ZKSCAN2: variants seen among roughly 807,000 people sequenced by gnomAD.
The protein encoded by ZKSCAN2 is zinc finger with KRAB and SCAN domains 2, also known as zinc finger protein with KRAB and SCAN domains 2.
Under a neutral mutation model 90.5 loss-of-function variants are expected in ZKSCAN2, and 38 were observed. That is an observed-to-expected ratio of 0.42 (90% CI 0.32 to 0.55). The LOEUF is 0.55. Ranked by LOEUF, ZKSCAN2 falls within the 20% of genes least tolerant of loss-of-function variation. The pLI is 0.11. For synonymous variants in ZKSCAN2, 429 were observed against 421.6 expected (o/e 1.02, Z -0.22); for missense variants, 1,167 against 1,202.6 (o/e 0.97, Z 0.44).
Position 25,240,724 on chromosome 16 carries a change from T to C in ZKSCAN2, c.1996A>G (p.Ser666Gly), listed in dbSNP as rs1752842052. 1.2e-6 allele frequency: 2 copies of C among 1,600,876 alleles called. No individual in the cohort carries two copies. Among genetic ancestry groups the C allele is most frequent in the South Asian group, 2.2e-5 (2 of 89,868 alleles). The change falls in exon 7 of 7, where the codon AGT becomes GGT. Residue 666 changes from serine to glycine, a missense_variant. Ser to Gly is a moderately conservative substitution (Grantham distance 56). Coordinates refer to ENST00000328086, the MANE Select transcript of ZKSCAN2 (RefSeq NM_001012981.5). ...LQSPNDFEIGSSIKEDPTQIV... is the reference protein window; with the variant it reads ...LQSPNDFEIGGSIKEDPTQIV... ...TGTGTTGGATCCTCCTTGATGCTACTTCCGATTTCAAAATCTGAAAAAATG... is the reference window on the plus strand; with the variant it reads ...TGTGTTGGATCCTCCTTGATGCTACCTCCGATTTCAAAATCTGAAAAAATG...
At chr16:25,243,200 C>G (rs943472607) in intron 6 of ZKSCAN2, among the ~76,000 whole-genome samples, 2 of 152,170 alleles carry the variant, frequency 1.3e-5, no homozygotes, top group Non-Finnish European at 2.9e-5. Flanking sequence ...CCAAGTTTTT[C>G]TTCCCCACGG....
chr16:25,246,596 G>A, intron 5 of ZKSCAN2, 111 bp downstream of exon 5: 1 of 1,058,256 alleles, frequency 9.4e-7, no homozygotes, highest in South Asian at 1.4e-5. Flanking sequence ...CAGTGAAAGT[G>A]GTGAGGTGTG....
chr16:25,246,597 G>T, intron 5 of ZKSCAN2, 110 bp downstream of exon 5: 1 of 1,077,382 alleles, frequency 9.3e-7, no homozygotes, highest in Non-Finnish European at 1.4e-6. Flanking sequence ...AGTGAAAGTG[G>T]TGAGGTGTGT....
At position 25,247,405 on chromosome 16, in the gene ZKSCAN2, A is replaced by G; in HGVS notation, c.806-15T>C. 1 of 1,587,314 alleles carries G rather than the reference A, an allele frequency of 6.3e-7. No individual in the cohort carries two copies. Among genetic ancestry groups the G allele is most frequent in the Non-Finnish European group, 8.5e-7 (1 of 1,169,980 alleles). Reference sequence around the variant, plus strand: ...CACTGCACTTCCTACAGTAAAATAAACATATTTCATGGTAGACATAGAAGT... The same window carrying G: ...CACTGCACTTCCTACAGTAAAATAAGCATATTTCATGGTAGACATAGAAGT... On this transcript the variant is annotated splice_polypyrimidine_tract_variant and intron_variant, in intron 4 of 6. Coordinates refer to ENST00000328086, the MANE Select transcript of ZKSCAN2 (RefSeq NM_001012981.5).
Position 25,240,238 on chromosome 16 carries a change from C to T in ZKSCAN2, c.2482G>A (p.Glu828Lys). The change falls in exon 7 of 7, where the codon GAG becomes AAG. Residue 828 changes from glutamate to lysine, a missense_variant. Transcript: ENST00000328086. Reference protein sequence around the residue: ...FGAHQRIHTGEKPYRCGECGK... With the variant: ...FGAHQRIHTGKKPYRCGECGK... Reference sequence around the variant, plus strand: ...CACTCTCCGCATCTGTAGGGTTTCTCTCCTGTGTGGATTCTCTGGTGGGCA... The same window carrying T: ...CACTCTCCGCATCTGTAGGGTTTCTTTCCTGTGTGGATTCTCTGGTGGGCA... 1.2e-6 allele frequency: 2 copies of T among 1,614,152 alleles called. No homozygotes were observed. Among genetic ancestry groups the T allele is most frequent in the South Asian group, 1.1e-5 (1 of 91,078 alleles).
rs568858340 is a variant in ZKSCAN2 at position 25,243,914 on chromosome 16, C to T, written c.1852G>A (p.Gly618Ser). The T allele has an allele frequency of 3.1e-6, 5 of 1,614,154 alleles. No homozygotes were observed. The Admixed American group carries it at 8.3e-5, about 27-fold the overall frequency. ...TGTGAGGTCTCTTCAGGTTCCCAGC[C>T]TGTAGGTTCCTGGGGTTCAACCTCA... ...GIEVEPQEPTGWEPEETSQEA... is the reference protein window; with the variant it reads ...GIEVEPQEPTSWEPEETSQEA... The change falls in exon 6 of 7, where the codon GGC becomes AGC. Residue 618 changes from glycine to serine, a missense_variant. Gly to Ser is a moderately conservative substitution (Grantham distance 56). Coordinates refer to ENST00000328086, the MANE Select transcript of ZKSCAN2 (RefSeq NM_001012981.5).
At chr16:25,251,031 C>A (rs911289714) in intron 4 of ZKSCAN2, among the ~76,000 whole-genome samples, 1 of 152,148 alleles carries the variant, frequency 6.6e-6, no homozygotes, top group Non-Finnish European at 1.5e-5. Flanking sequence ...GCTGGGATTA[C>A]AGGCATGAGC....
At chr16:25,255,505 C>T in intron 1 of ZKSCAN2, 113 bp from the exon 2 acceptor site, 2 of 1,170,044 alleles carry the variant, frequency 1.7e-6, no homozygotes, top group Non-Finnish European at 2.4e-6. Context: ...AATGAAAATT[C>T]CACTCCATTC....
chr16:25,251,944 A>C lies in ZKSCAN2; in HGVS notation c.770T>G (p.Phe257Cys). 6.2e-7 allele frequency: 1 copy of C among 1,614,122 alleles called. No individual in the cohort carries two copies. The highest frequency in any genetic ancestry group is 8.5e-7 in the Non-Finnish European group (1 of 1,180,004). Residue 257 changes from phenylalanine to cysteine, a missense_variant, in exon 4 of 7, where the codon TTC (phenylalanine) becomes TGC (cysteine). Transcript: ENST00000328086. ...IPAQRDLYRDFRKENVGNVVS... is the reference protein window; with the variant it reads ...IPAQRDLYRDCRKENVGNVVS... ...CACGTTCCCAACATTCTCCTTCCTG[A>C]AATCCCGGTAGAGGTCCCTTTGGGC...
intron 2 of ZKSCAN2, 143 bp downstream of exon 2, chr16:25,255,063 C>T (rs1722279254): frequency 1.3e-6 from 1 of 788,520 alleles, no homozygotes; most frequent in South Asian, 2.5e-5. Context: ...TGCACATGTT[C>T]CTAATTCTTG....
rs1394486954 is a variant in ZKSCAN2 at position 25,238,071 on chromosome 16, C to A, written c.*1745G>T. ...ATGTCTACCTGAGTCACCTGCCTTC[C>A]AACAGGCCACACCCTATTCTGGCAC... On this transcript the variant is annotated 3_prime_UTR_variant, in exon 7 of 7. Coordinates refer to ENST00000328086, the MANE Select transcript of ZKSCAN2 (RefSeq NM_001012981.5). 1 of 152,242 alleles carries A rather than the reference C, an allele frequency of 6.6e-6. No homozygotes were observed. The highest frequency in any genetic ancestry group is 2.4e-5 in the African/African-American group (1 of 41,458). 9.4% of individuals were successfully genotyped at this position (152,242 alleles called of 1,614,324 possible).
chr16:25,255,908 G>T (rs906485343), intron 1 of ZKSCAN2, among the ~76,000 whole-genome samples: 1 of 152,166 alleles, frequency 6.6e-6, no homozygotes, highest in Non-Finnish European at 1.5e-5. Flanking sequence ...ACTAAACAGA[G>T]AAGGAAATCT....
intron 3 of ZKSCAN2, among the ~76,000 whole-genome samples, chr16:25,252,621 A>G (rs932347867): frequency 5.9e-5 from 9 of 152,108 alleles, no homozygotes; most frequent in Non-Finnish European, 1.2e-4. Flanking sequence ...AAGGCCAGAG[A>G]AGATAATTAC....
intron 4 of ZKSCAN2, among the ~76,000 whole-genome samples, chr16:25,251,349 G>A (rs1207804839): frequency 6.6e-6 from 1 of 152,052 alleles, no homozygotes; most frequent in Admixed American, 6.5e-5. Context: ...AATAATCTGT[G>A]ACTTCACATT....
At chr16:25,255,129 C>T in intron 2 of ZKSCAN2, 77 bp downstream of exon 2, 2 of 1,460,550 alleles carry the variant, frequency 1.4e-6, no homozygotes, top group South Asian at 1.4e-5. Flanking sequence ...CCCTCCACTG[C>T]ACATTCACAG....
chr16:25,251,371 G>C (rs1393019205), intron 4 of ZKSCAN2, among the ~76,000 whole-genome samples: 1 of 151,782 alleles, frequency 6.6e-6, no homozygotes, highest in Non-Finnish European at 1.5e-5. Flanking sequence ...GAAAATTATT[G>C]GTACAGATAT....
intron 4 of ZKSCAN2, 119 bp from the exon 5 acceptor site, chr16:25,247,509 G>T: frequency 1.4e-6 from 1 of 730,038 alleles, no homozygotes; most frequent in Non-Finnish European, 2.2e-6. Flanking sequence ...CCTCAGCTGT[G>T]ACACTGCACA....
chr16:25,253,188 A>G (rs1205809151), intron 2 of ZKSCAN2, 151 bp from the exon 3 acceptor site: 3 of 669,060 alleles, frequency 4.5e-6, no homozygotes, highest in East Asian at 2.8e-5. Context: ...CCAAAAACAC[A>G]GTACCCTAAA....
intron 4 of ZKSCAN2, among the ~76,000 whole-genome samples, chr16:25,249,891 C>A (rs140948825): frequency 1.3e-5 from 2 of 152,140 alleles, no homozygotes; most frequent in East Asian, 3.9e-4. Flanking sequence ...AGCTGTACTC[C>A]CGTGCTCAAT....
Sources: gnomAD v4.1 joint callset for allele counts (sites outside exome capture counted in the v4.1 genomes callset) on GRCh38, gnomAD v4.1.1 for gene constraint, MANE v1.5 for transcripts, NCBI Gene and HGNC (gene_info 2026-07-23, HGNC 2026-07-21) for gene names.